The following WWOX variants were observed in gnomAD, a reference collection of about 807,000 sequenced individuals.
The protein encoded by WWOX is WW domain containing oxidoreductase.
A neutral mutation model predicts 46.2 loss-of-function variants in WWOX; 69 were observed. The observed-to-expected ratio is 1.49, with a 90% confidence interval of 1.23 to 1.82. The LOEUF (loss-of-function observed/expected upper bound fraction) is 1.82, where lower values mean the gene tolerates loss of function less well. Among genes scored for constraint, WWOX ranks in the 40% most tolerant of loss-of-function variants. WWOX has a pLI of 0.00. For synonymous variants in WWOX, 359 were observed against 202.6 expected (o/e 1.77, Z -6.56); for missense variants, 919 against 542.6 (o/e 1.69, Z -6.89).
intron 8 of WWOX, among the ~76,000 whole-genome samples, chr16:79,199,443 A>G (rs1481389362): frequency 2.6e-5 from 4 of 152,206 alleles, no homozygotes; most frequent in Non-Finnish European, 5.9e-5. Flanking sequence ...CCTCACAGAA[A>G]GCGTCAAAGA....
intron 3 of WWOX, chr16:78,111,922 G>C (rs1288499341): frequency 6.4e-6 from 1 of 156,704 alleles, no homozygotes; most frequent in Non-Finnish European, 1.4e-5. Flanking sequence ...GCTTCACCTT[G>C]TCAATCACTT....
At chr16:78,877,506 C>G (rs1392728598) in intron 8 of WWOX, among the ~76,000 whole-genome samples, 6 of 152,230 alleles carry the variant, frequency 3.9e-5, no homozygotes, top group African/African-American at 1.4e-4. Flanking sequence ...TCTCACCACT[C>G]ACTATAAAAT....
chr16:78,996,208 T>G, intron 8 of WWOX: 1 of 985,290 alleles, frequency 1.0e-6, no homozygotes. Flanking sequence ...TTAGAAATTT[T>G]TGAAGACTTG....
chr16:78,177,816 C>T (rs1038663149), intron 5 of WWOX, among the ~76,000 whole-genome samples: 15 of 152,134 alleles, frequency 9.9e-5, no homozygotes, highest in African/African-American at 3.6e-4. Flanking sequence ...ACTCTGTTGG[C>T]CTGTTGGCCA....
intron 8 of WWOX, among the ~76,000 whole-genome samples, chr16:78,621,283 A>C (rs1294280575): frequency 6.6e-6 from 1 of 152,102 alleles, no homozygotes; most frequent in Admixed American, 6.6e-5. Context: ...TGAACTTTCC[A>C]TTAACTCACA....
intron 5 of WWOX, among the ~76,000 whole-genome samples, chr16:78,177,561 A>T (rs998866596): frequency 1.3e-5 from 2 of 152,138 alleles, no homozygotes; most frequent in Non-Finnish European, 2.9e-5. Context: ...ACAGAGTGTA[A>T]GTAGTTTGTC....
intron 8 of WWOX, among the ~76,000 whole-genome samples, chr16:78,442,245 A>T (rs1180794479): frequency 6.6e-6 from 1 of 152,162 alleles, no homozygotes; most frequent in South Asian, 2.1e-4. Context: ...ACATCGGTCA[A>T]CTTACATAGC....
At position 78,122,963 on chromosome 16, in the gene WWOX, T is replaced by C. The variant is rs554783133; in HGVS notation, c.409+7809T>C. 1.5e-3 allele frequency among the ~76,000 whole-genome samples: 224 copies of C among 152,286 alleles called. 2 individuals are homozygous for C. Among genetic ancestry groups the C allele is most frequent in the African/African-American group, 5.2e-3 (218 of 41,562 alleles). Reference sequence around the variant, plus strand: ...AACCATCTTTATATATTTTTATTTTTTTCCACTAGAGGGCTCTGTTGCCCT... The same window carrying C: ...AACCATCTTTATATATTTTTATTTTCTTCCACTAGAGGGCTCTGTTGCCCT... On this transcript the variant is annotated intron_variant, in intron 4 of 8. Coordinates refer to ENST00000566780, the MANE Select transcript of WWOX (RefSeq NM_016373.4).
At chr16:79,199,213 C>A (rs1215308001) in intron 8 of WWOX, among the ~76,000 whole-genome samples, 2 of 152,176 alleles carry the variant, frequency 1.3e-5, no homozygotes, top group Non-Finnish European at 2.9e-5. Context: ...CAGGTGTGCG[C>A]CACCACGCCT....
intron 8 of WWOX, among the ~76,000 whole-genome samples, chr16:78,660,912 C>G (rs949077812): frequency 3.9e-5 from 6 of 152,172 alleles, no homozygotes; most frequent in Non-Finnish European, 8.8e-5. Flanking sequence ...GCACATGTAG[C>G]TCAACCTCCT....
chr16:79,048,692 C>A (rs1279198906), intron 8 of WWOX, among the ~76,000 whole-genome samples: 3 of 152,056 alleles, frequency 2.0e-5, no homozygotes. Context: ...TTGAGTTGTT[C>A]TTATTTCTTC....
chr16:79,040,866 G>T (rs2047957992), intron 8 of WWOX, among the ~76,000 whole-genome samples: 1 of 152,058 alleles, frequency 6.6e-6, no homozygotes. Flanking sequence ...AAGTAACTTA[G>T]CTAGCTGTTG....
At chr16:78,612,304 G>C (rs748597610) in intron 8 of WWOX, among the ~76,000 whole-genome samples, 2 of 152,198 alleles carry the variant, frequency 1.3e-5, no homozygotes, top group Admixed American at 6.5e-5. Context: ...TTCTAAAGGA[G>C]GTAAAACTTG....
At chr16:78,672,186 A>G (rs1377739990) in intron 8 of WWOX, among the ~76,000 whole-genome samples, 5 of 152,208 alleles carry the variant, frequency 3.3e-5, no homozygotes, top group African/African-American at 1.2e-4. Context: ...ATCCATGACC[A>G]GAAGACAAAC....
At chr16:78,212,773 C>G (rs2036597917) in intron 5 of WWOX, among the ~76,000 whole-genome samples, 1 of 152,134 alleles carries the variant, frequency 6.6e-6, no homozygotes, top group Non-Finnish European at 1.5e-5. Flanking sequence ...AAGTAAAAGC[C>G]AACCTCTTGA....
intron 5 of WWOX, among the ~76,000 whole-genome samples, chr16:78,288,163 A>C (rs780913689): frequency 1.3e-5 from 2 of 152,170 alleles, no homozygotes; most frequent in Non-Finnish European, 2.9e-5. Context: ...TTTTTAAATG[A>C]AAAACGGAAA....
chr16:78,435,649 T>C (rs2083319065), intron 8 of WWOX, among the ~76,000 whole-genome samples: 1 of 152,046 alleles, frequency 6.6e-6, no homozygotes, highest in Admixed American at 6.6e-5. Context: ...CCCTTGTAGT[T>C]GAGATGGGAT....
intron 8 of WWOX, among the ~76,000 whole-genome samples, chr16:78,565,262 T>A (rs1033342286): frequency 1.3e-4 from 20 of 152,352 alleles, no homozygotes; most frequent in African/African-American, 4.8e-4. Context: ...AAACAACACA[T>A]GCTTATCATG....
At position 78,286,924 on chromosome 16, in the gene WWOX, T is replaced by G. The variant is rs146260197; in HGVS notation, c.517-99936T>G. Among the ~76,000 whole-genome samples, 71 of 152,306 alleles carry G rather than the reference T, an allele frequency of 4.7e-4. No individual in the cohort carries two copies. The East Asian group carries it at 0.012, about 26-fold the overall frequency. On this transcript the variant is annotated intron_variant, in intron 5 of 8. Coordinates refer to ENST00000566780, the MANE Select transcript of WWOX (RefSeq NM_016373.4). ...TGTCCTGCAGATTTTAAAATCAATT[T>G]TATAGTTTCTTTTCTGTTTTTAGTT...
Sources: allele counts gnomAD v4.1 joint callset (sites outside exome capture counted in the v4.1 genomes callset), GRCh38; gene constraint gnomAD v4.1.1; transcripts MANE v1.5; gene names NCBI Gene and HGNC (gene_info 2026-07-23, HGNC 2026-07-21).